The following CNGA3 variants were observed in gnomAD, a reference collection of about 807,000 sequenced individuals.
CNGA3 encodes the protein cyclic nucleotide gated channel subunit alpha 3.
In CNGA3, 42 loss-of-function variants were observed where a neutral mutation model predicts 46.6. The observed-to-expected ratio is 0.90, with a 90% CI of 0.70 to 1.17. The LOEUF (loss-of-function observed/expected upper bound fraction) is 1.17, where lower values mean the gene tolerates loss of function less well. Ranked by LOEUF, CNGA3 falls within the 50% of genes most tolerant of loss-of-function variation. CNGA3 has a pLI of 0.00. For synonymous variants in CNGA3, 394 were observed against 369.4 expected (o/e 1.07, Z -0.76); for missense variants, 893 against 890.7 (o/e 1.00, Z -0.03).
Position 98,351,380 on chromosome 2 carries a change from T to C in CNGA3, c.-38+4846T>C, listed in dbSNP as rs189393404. On this transcript the variant is annotated intron_variant, in intron 1 of 7. Transcript: ENST00000272602. ...GCAGGCCTTTCCCATGCTGTTCTCATGATAGTGAATAAGTCTCATGAGATC... is the reference window on the plus strand; with the variant it reads ...GCAGGCCTTTCCCATGCTGTTCTCACGATAGTGAATAAGTCTCATGAGATC... Among the ~76,000 whole-genome samples, 62 of 152,292 alleles carry C rather than the reference T, an allele frequency of 4.1e-4. 1 individual carries two copies. The highest frequency in any genetic ancestry group is 1.4e-3 in the African/African-American group (59 of 41,572).
chr2:98,396,876 G>A lies in CNGA3; in HGVS notation c.1706G>A (p.Arg569His), dbSNP rs201782746. The change falls in exon 8 of 8, where the codon CGC becomes CAC. Residue 569 changes from arginine (R) to histidine (H), a missense_variant. Coordinates refer to ENST00000272602, the MANE Select transcript of CNGA3 (RefSeq NM_001298.3). ...GGGAACCGCAGGACGGCCAACATCCGCAGCATTGGCTACTCAGACCTGTTC... is the reference window on the plus strand; with the variant it reads ...GGGAACCGCAGGACGGCCAACATCCACAGCATTGGCTACTCAGACCTGTTC... ...KSGNRRTANI[R>H]SIGYSDLFCL... is the part of the protein sequence containing the mutation. 33 of 1,614,014 alleles carry A rather than the reference G, an allele frequency of 2.0e-5. No individual in the cohort carries two copies. Among genetic ancestry groups the A allele is most frequent in the African/African-American group, 5.3e-5 (4 of 74,916 alleles).
At chr2:98,379,464 AG>A (rs796888542) in intron 3 of CNGA3, among the ~76,000 whole-genome samples, 2 of 151,856 alleles carry the variant, frequency 1.3e-5, no homozygotes, top group South Asian at 4.2e-4. Flanking sequence ...GGTGGAGGGA[AG>A]GCCCCTCTCA....
intron 5 of CNGA3, among the ~76,000 whole-genome samples, chr2:98,389,452 A>G (rs771902320): frequency 2.0e-5 from 3 of 152,168 alleles, no homozygotes; most frequent in Admixed American, 6.5e-5. Flanking sequence ...CTGAGCTGGG[A>G]GAGAAGGACC....
At chr2:98,361,738 T>C (rs1288383326) in intron 1 of CNGA3, among the ~76,000 whole-genome samples, 58 of 148,060 alleles carry the variant, frequency 3.9e-4, no homozygotes, top group Admixed American at 3.5e-3. Context: ...GACAGAGTCT[T>C]GCTCTGTCGC....
intron 3 of CNGA3, 164 bp from the exon 4 acceptor site, chr2:98,380,011 C>A (rs1407985968): frequency 2.6e-6 from 2 of 780,840 alleles, no homozygotes; most frequent in Admixed American, 2.1e-5. Flanking sequence ...AAACTTAGAC[C>A]ACAGGGCCCC....
At chr2:98,358,788 T>C (rs1469075192) in intron 1 of CNGA3, among the ~76,000 whole-genome samples, 1 of 152,198 alleles carries the variant, frequency 6.6e-6, no homozygotes, top group Non-Finnish European at 1.5e-5. Flanking sequence ...AACTTACATT[T>C]CCCTTTAGTG....
At chr2:98,346,814 G>C (rs1195236835) in intron 1 of CNGA3, among the ~76,000 whole-genome samples, 1 of 152,106 alleles carries the variant, frequency 6.6e-6, no homozygotes, top group Non-Finnish European at 1.5e-5. Flanking sequence ...CCCTCCCCGT[G>C]CTCCCCAAGC....
At chr2:98,371,863 A>G (rs1218859289) in intron 2 of CNGA3, among the ~76,000 whole-genome samples, 2 of 152,258 alleles carry the variant, frequency 1.3e-5, no homozygotes, top group Admixed American at 1.3e-4. Flanking sequence ...AAGGAGCCCA[A>G]GAATGAGGCA....
At position 98,380,500 on chromosome 2, in the gene CNGA3, T is replaced by C. The variant is rs1490468960; in HGVS notation, c.395+146T>C. ...TGTTCCTTGAAGAAAGTGTTTGCCCTTGGGGGAGCACTACATGCTCTAACA... is the reference window on the plus strand; with the variant it reads ...TGTTCCTTGAAGAAAGTGTTTGCCCCTGGGGGAGCACTACATGCTCTAACA... On this transcript the variant is annotated intron_variant, in intron 4 of 7. Transcript: ENST00000272602. 4.7e-6 allele frequency: 5 copies of C among 1,061,768 alleles called. No homozygotes were observed. The African/African-American group carries it at 7.9e-5, about 17-fold the overall frequency. The allele number at this position is 1,061,768 out of a possible 1,614,324, so 65.8% of individuals were successfully genotyped here.
intron 2 of CNGA3, among the ~76,000 whole-genome samples, chr2:98,374,592 C>T (rs1692363978): frequency 1.3e-5 from 2 of 152,110 alleles, no homozygotes; most frequent in South Asian, 4.1e-4. Flanking sequence ...TTTTCGGTAC[C>T]TGTGTGTCCT....
intron 1 of CNGA3, among the ~76,000 whole-genome samples, chr2:98,367,176 C>CTATTTTT (rs1692176409): frequency 8.7e-6 from 1 of 115,528 alleles, no homozygotes; most frequent in African/African-American, 3.2e-5. Context: ...TGTTTTTTTT[C>CTATTTTT]TTTTTTTTCT....
intron 6 of CNGA3, among the ~76,000 whole-genome samples, chr2:98,391,248 G>A (rs893747467): frequency 2.1e-4 from 32 of 152,324 alleles, no homozygotes; most frequent in African/African-American, 5.3e-4. Context: ...ACAGGATGGG[G>A]TGCTTGGGCA....
intron 1 of CNGA3, among the ~76,000 whole-genome samples, chr2:98,369,165 G>C (rs1018739382): frequency 1.3e-5 from 2 of 152,240 alleles, no homozygotes. Flanking sequence ...CCCAAGGCTA[G>C]TTCGGCCTAC....
chr2:98,390,801 G>A (rs560176344), intron 6 of CNGA3, among the ~76,000 whole-genome samples: 2 of 152,274 alleles, frequency 1.3e-5, no homozygotes, highest in African/African-American at 2.4e-5. Context: ...ACCAATGCAG[G>A]GTACACTGTT....
rs559799354 is a variant in CNGA3, at chr2:98,377,552, G to C, written c.102-135G>C. ...ATCTGCAGGAGGCAAAGGGAAGTGG[G>C]GAGCCCCTGGGATGAGGATCTGTGA... On this transcript the variant is annotated intron_variant, in intron 2 of 7. Coordinates refer to ENST00000272602, the MANE Select transcript of CNGA3 (RefSeq NM_001298.3). 5 of 809,154 alleles carry C rather than the reference G, an allele frequency of 6.2e-6. No homozygotes were observed. In the East Asian group the frequency reaches 1.3e-4, roughly 22 times the overall value. The allele number at this position is 809,154 out of a possible 1,614,324, so 50.1% of individuals were successfully genotyped here. A position where few individuals can be genotyped will look rare whatever the true frequency, so the allele number is the denominator to read the frequency against.
At chr2:98,360,590 A>G (rs1692009765) in intron 1 of CNGA3, among the ~76,000 whole-genome samples, 1 of 152,260 alleles carries the variant, frequency 6.6e-6, no homozygotes, top group South Asian at 2.1e-4. Flanking sequence ...GCACATAGTA[A>G]GTGCTCAATT....
At chr2:98,361,571 G>T (rs1174610591) in intron 1 of CNGA3, among the ~76,000 whole-genome samples, 1 of 151,892 alleles carries the variant, frequency 6.6e-6, no homozygotes, top group East Asian at 1.9e-4. Flanking sequence ...GGGTCAAATG[G>T]TATTTCTGGT....
chr2:98,365,778 C>T (rs932341931), intron 1 of CNGA3, among the ~76,000 whole-genome samples: 3 of 152,172 alleles, frequency 2.0e-5, no homozygotes, highest in African/African-American at 7.2e-5. Flanking sequence ...AAACTGGTTA[C>T]TCTGGTTAAC....
chr2:98,369,666 T>G (rs568690594), intron 1 of CNGA3, among the ~76,000 whole-genome samples: 1 of 152,326 alleles, frequency 6.6e-6, no homozygotes, highest in East Asian at 1.9e-4. Context: ...CTTCATTTAT[T>G]TATTCATTCA....
Sources: gnomAD v4.1 joint callset for allele counts (sites outside exome capture counted in the v4.1 genomes callset) on GRCh38, gnomAD v4.1.1 for gene constraint, MANE v1.5 for transcripts, NCBI Gene and HGNC (gene_info 2026-07-23, HGNC 2026-07-21) for gene names.